The following SEMA5A variants were observed in gnomAD, a reference collection of about 807,000 sequenced individuals.
SEMA5A encodes semaphorin-5A.
SEMA5A carries 55 observed loss-of-function variants against 135.5 expected under a neutral mutation model. The observed-to-expected ratio is 0.41, with a 90% CI of 0.33 to 0.51. SEMA5A has a LOEUF of 0.51. Ranked by LOEUF, SEMA5A falls within the 20% of genes least tolerant of loss-of-function variation. The pLI is 0.37. For missense variants in SEMA5A, 1,290 were observed against 1,419.9 expected (o/e 0.91, Z 1.47); for synonymous variants, 580 against 546.5 (o/e 1.06, Z -0.85).
At chr5:9,102,628 A>G (rs900565973) in intron 16 of SEMA5A, among the ~76,000 whole-genome samples, 2 of 150,818 alleles carry the variant, frequency 1.3e-5, no homozygotes, top group Admixed American at 6.6e-5. Context: ...CATTGTCAGA[A>G]GTTGAAATTA....
At chr5:9,499,222 C>A (rs1735460015) in intron 1 of SEMA5A, among the ~76,000 whole-genome samples, 1 of 152,140 alleles carries the variant, frequency 6.6e-6, no homozygotes, top group South Asian at 2.1e-4. Flanking sequence ...ACTTCACAAA[C>A]CTTTATGGAG....
At chr5:9,201,429 T>C (rs1461733857) in intron 9 of SEMA5A, among the ~76,000 whole-genome samples, 1 of 152,226 alleles carries the variant, frequency 6.6e-6, no homozygotes, top group African/African-American at 2.4e-5. Context: ...AAAGTATAAT[T>C]GACATTTACA....
At chr5:9,136,393 T>C (rs1741749092) in intron 13 of SEMA5A, 111 bp downstream of exon 13, 1 of 874,688 alleles carries the variant, frequency 1.1e-6, no homozygotes, top group East Asian at 2.5e-5. Context: ...TTTGCAAAAA[T>C]GGTTCTCATA....
intron 5 of SEMA5A, among the ~76,000 whole-genome samples, chr5:9,283,015 C>T (rs113136854): frequency 6.6e-6 from 1 of 152,160 alleles, no homozygotes; most frequent in African/African-American, 2.4e-5. Flanking sequence ...GGCCTAAGCA[C>T]AGTAAGACCA....
At chr5:9,126,417 G>A (rs553259393) in intron 13 of SEMA5A, among the ~76,000 whole-genome samples, 11 of 152,268 alleles carry the variant, frequency 7.2e-5, no homozygotes, top group Admixed American at 3.3e-4. Flanking sequence ...AGTTAGTGGG[G>A]AGGGAGACTG....
At chr5:9,451,477 A>G (rs1758642492) in intron 1 of SEMA5A, among the ~76,000 whole-genome samples, 1 of 152,142 alleles carries the variant, frequency 6.6e-6, no homozygotes, top group African/African-American at 2.4e-5. Flanking sequence ...TGACAATCTC[A>G]TAAGTCATGC....
intron 8 of SEMA5A, among the ~76,000 whole-genome samples, chr5:9,222,756 A>C (rs1747076731): frequency 1.3e-5 from 2 of 152,294 alleles, no homozygotes; most frequent in South Asian, 4.1e-4. Context: ...GCAACACATG[A>C]CTCTCCAATG....
chr5:9,517,386 T>G (rs1241238854), intron 1 of SEMA5A: 1 of 152,204 alleles, frequency 6.6e-6, no homozygotes, highest in Non-Finnish European at 1.5e-5. Context: ...CTAAGTGGGG[T>G]CCCAGGACCT....
chr5:9,221,752 C>T (rs1015345013), intron 8 of SEMA5A, among the ~76,000 whole-genome samples: 1 of 152,114 alleles, frequency 6.6e-6, no homozygotes, highest in African/African-American at 2.4e-5. Flanking sequence ...CTACAGACCC[C>T]GAGTGACAAG....
At chr5:9,254,745 G>T (rs764283887) in intron 5 of SEMA5A, among the ~76,000 whole-genome samples, 6 of 152,106 alleles carry the variant, frequency 3.9e-5, no homozygotes, top group Non-Finnish European at 8.8e-5. Flanking sequence ...ATAAACAACT[G>T]CCCAAGGCCA....
chr5:9,325,586 G>A (rs1752834732), intron 4 of SEMA5A, among the ~76,000 whole-genome samples: 2 of 152,068 alleles, frequency 1.3e-5, no homozygotes, highest in African/African-American at 2.4e-5. Flanking sequence ...GGAGGGAGCA[G>A]TGGGGACCTT....
rs564761754 is a variant in SEMA5A, at chr5:9,211,757, A to T, written c.647-9517T>A. Among the ~76,000 whole-genome samples the T allele has an allele frequency of 2.0e-5, 3 of 152,358 alleles. No individual in the cohort carries two copies. In the East Asian group the frequency reaches 5.8e-4, roughly 29 times the overall value. ...GAAGGTTCATAGTTGCATTTTAAAG[A>T]CCTCAAGGGTCTACTTAATGCTTGA... is the stretch of plus-strand genomic sequence containing the variant. On this transcript the variant is annotated intron_variant, in intron 8 of 22. Transcript: ENST00000382496.
At chr5:9,186,044 C>T (rs1744791444) in intron 11 of SEMA5A, among the ~76,000 whole-genome samples, 1 of 152,210 alleles carries the variant, frequency 6.6e-6, no homozygotes, top group Non-Finnish European at 1.5e-5. Context: ...TTGTAGAGAA[C>T]TCAATAGCAT....
In SEMA5A at chr5:9,069,711, G is replaced by A. The variant is rs187429212; in HGVS notation, c.2074-3065C>T. ...TTAATACTCTCTAGGCATTCCTCCC[G>A]GCCTGCATGATCTCTACATCAACAA... On this transcript the variant is annotated intron_variant, in intron 16 of 22. Transcript: ENST00000382496. 5.3e-5 allele frequency among the ~76,000 whole-genome samples: 8 copies of A among 152,042 alleles called. No homozygotes were observed. The East Asian group carries it at 5.8e-4, about 11-fold the overall frequency.
chr5:9,138,255 A>G (rs1393860492), intron 12 of SEMA5A, among the ~76,000 whole-genome samples: 1 of 152,158 alleles, frequency 6.6e-6, no homozygotes, highest in Non-Finnish European at 1.5e-5. Flanking sequence ...GGGAAAGCCT[A>G]TTTCCCTAGT....
intron 4 of SEMA5A, among the ~76,000 whole-genome samples, chr5:9,327,351 G>C (rs1752925655): frequency 6.6e-6 from 1 of 152,108 alleles, no homozygotes; most frequent in South Asian, 2.1e-4. Context: ...AATTTTTGTT[G>C]CTGTTAATAC....
chr5:9,369,510 A>C (rs1380444343), intron 3 of SEMA5A, among the ~76,000 whole-genome samples: 1 of 152,118 alleles, frequency 6.6e-6, no homozygotes, highest in Non-Finnish European at 1.5e-5. Context: ...CTATCAGGTA[A>C]TTGTTGTATA....
chr5:9,437,882 C>G (rs1302894261), intron 1 of SEMA5A, 30 bp from the exon 2 acceptor site: 2 of 152,250 alleles, frequency 1.3e-5, no homozygotes, highest in Non-Finnish European at 2.9e-5. Flanking sequence ...GAGATCCTGT[C>G]AACCCATTTT....
chr5:9,503,139 G>C (rs867134682), intron 1 of SEMA5A, among the ~76,000 whole-genome samples: 1 of 152,022 alleles, frequency 6.6e-6, no homozygotes. Context: ...GAGAGAGAGA[G>C]AGACAGAATG....
Sources: allele counts gnomAD v4.1 joint callset (sites outside exome capture counted in the v4.1 genomes callset), GRCh38; gene constraint gnomAD v4.1.1; transcripts MANE v1.5; gene names NCBI Gene and HGNC (gene_info 2026-07-23, HGNC 2026-07-21).